CDKN2AIP: variants seen among roughly 807,000 people sequenced by gnomAD.
CDKN2AIP encodes the protein CDKN2A interacting protein, also known as CDKN2A-interacting protein.
A neutral mutation model predicts 44.1 loss-of-function variants in CDKN2AIP; 12 were observed. The ratio of observed to expected loss-of-function variants is 0.27; its 90% CI spans 0.17 to 0.44. The LOEUF is 0.44. Ranked by LOEUF, CDKN2AIP falls within the 20% of genes least tolerant of loss-of-function variation. The pLI is 1.00. For missense variants in CDKN2AIP, 705 were observed against 681.6 expected (o/e 1.03, Z -0.38); for synonymous variants, 291 against 272.1 (o/e 1.07, Z -0.68).
chr4:183,445,876 C>T, intron 2 of CDKN2AIP: 1 of 634,524 alleles, frequency 1.6e-6, no homozygotes, highest in Non-Finnish European at 2.7e-6. Flanking sequence ...TTGAAGTGTC[C>T]ACTGTTGTCT....
In CDKN2AIP at chr4:183,445,200, G is replaced by A. The variant is rs559667017; in HGVS notation, c.272+131G>A. The A allele has an allele frequency of 7.6e-6, 9 of 1,179,140 alleles. No homozygotes were observed. The South Asian group carries it at 1.4e-4, about 18-fold the overall frequency. 73.0% of individuals were successfully genotyped at this position (1,179,140 alleles called of 1,614,324 possible). A position where few individuals can be genotyped will look rare whatever the true frequency, so the allele number is the denominator to read the frequency against. On this transcript the variant is annotated intron_variant, in intron 1 of 2. Transcript: ENST00000504169. The stretch of plus-strand genomic sequence containing the variant: ...GTGAAGCGCGGGAATCCGCCGGCCC[G>A]GCTGCCCTCTAAGGGGGAGAAGGGC...
rs1240289634 is a variant in CDKN2AIP, at chr4:183,446,937, G to A, written c.1253G>A (p.Ser418Asn). The A allele has an allele frequency of 6.2e-7, 1 of 1,614,224 alleles. No individual in the cohort carries two copies. Among genetic ancestry groups the A allele is most frequent in the East Asian group, 2.2e-5 (1 of 44,884 alleles). Residue 418 changes from serine (S) to asparagine (N), a missense_variant, in exon 3 of 3, where the codon AGT becomes AAT. This residue lies in a region of CDKN2AIP where 592 missense variants were observed against 518.0 expected (regional missense o/e 1.14). Coordinates refer to ENST00000504169, the MANE Select transcript of CDKN2AIP (RefSeq NM_017632.4). Reference sequence around the variant, plus strand: ...CCTTCTAAAAGTACTTCACAGTCAAGTGAGAGTTCTGTCAAATTCTCTTGC... The same window carrying A: ...CCTTCTAAAAGTACTTCACAGTCAAATGAGAGTTCTGTCAAATTCTCTTGC... ...QLPSKSTSQS[S>N]ESSVKFSCKL...
At chr4:183,445,801 A>G in intron 2 of CDKN2AIP, 136 bp downstream of exon 2, 1 of 740,388 alleles carries the variant, frequency 1.4e-6, no homozygotes, top group Non-Finnish European at 2.2e-6. Flanking sequence ...GGAATGTTAA[A>G]CCTAAAGTAT....
rs1006820763 is a variant in CDKN2AIP at position 183,448,351 on chromosome 4, A to C, written c.*924A>C. The stretch of plus-strand genomic sequence containing the variant: ...ATCCCCTGAGCCAGAATAGATTAAA[A>C]GCGATTCCCTTCAATTTTCAAATCT... On this transcript the variant is annotated 3_prime_UTR_variant, in exon 3 of 3. Coordinates refer to ENST00000504169, the MANE Select transcript of CDKN2AIP (RefSeq NM_017632.4). Among the ~76,000 whole-genome samples the C allele has an allele frequency of 2.0e-5, 3 of 152,134 alleles. No homozygotes were observed. The highest frequency in any genetic ancestry group is 7.2e-5 in the African/African-American group (3 of 41,450).
Position 183,447,967 on chromosome 4 carries a change from G to A in CDKN2AIP, c.*540G>A, listed in dbSNP as rs1211669756. ...GTTGTAAGCATTTTTTAGATATAAA[G>A]CAGTATAAAGTACTTGTTATTTTAC... On this transcript the variant is annotated 3_prime_UTR_variant, in exon 3 of 3. Coordinates refer to ENST00000504169, the MANE Select transcript of CDKN2AIP (RefSeq NM_017632.4). 2 of 152,170 alleles carry A rather than the reference G, an allele frequency of 1.3e-5. No individual in the cohort carries two copies. The highest frequency in any genetic ancestry group is 2.9e-5 in the Non-Finnish European group (2 of 68,006). 9.4% of individuals were successfully genotyped at this position (152,170 alleles called of 1,614,324 possible).
intron 2 of CDKN2AIP, 164 bp downstream of exon 2, chr4:183,445,829 C>T: frequency 3.0e-6 from 2 of 659,728 alleles, no homozygotes; most frequent in Non-Finnish European, 5.2e-6. Context: ...TGTCTTTAGG[C>T]TTTGAATTTG....
intron 2 of CDKN2AIP, 45 bp downstream of exon 2, chr4:183,445,710 A>G: frequency 6.7e-7 from 1 of 1,497,190 alleles, no homozygotes; most frequent in Non-Finnish European, 9.2e-7. Flanking sequence ...TTTAGAGCAT[A>G]AGTTTGATAT....
chr4:183,448,132 T>C lies in CDKN2AIP; in HGVS notation c.*705T>C, dbSNP rs2111228660. On this transcript the variant is annotated 3_prime_UTR_variant, in exon 3 of 3. Coordinates refer to ENST00000504169, the MANE Select transcript of CDKN2AIP (RefSeq NM_017632.4). ...GGGTTTCTATATTAAGCATATTTTG[T>C]GACTACTATTAACAGATTGATTTGT... 1 of 152,338 alleles carries C rather than the reference T, an allele frequency of 6.6e-6. No individual in the cohort carries two copies. The highest frequency in any genetic ancestry group is 2.4e-5 in the African/African-American group (1 of 41,590). The allele number at this position is 152,338 out of a possible 1,614,324, so 9.4% of individuals were successfully genotyped here. A position where few individuals can be genotyped will look rare whatever the true frequency, so the allele number is the denominator to read the frequency against.
chr4:183,445,696 G>C (rs757706166), intron 2 of CDKN2AIP, 31 bp downstream of exon 2: 7 of 1,565,222 alleles, frequency 4.5e-6, no homozygotes, highest in Non-Finnish European at 5.3e-6. Context: ...AACATACATA[G>C]GAGTTTAGAG....
At position 183,444,697 on chromosome 4, in the gene CDKN2AIP, A is replaced by G. The variant is rs1282623071; in HGVS notation, c.-101A>G. The G allele has an allele frequency of 3.2e-6, 4 of 1,244,350 alleles. No homozygotes were observed. The highest frequency in any genetic ancestry group is 5.5e-5 in the East Asian group (2 of 36,598). 77.1% of individuals were successfully genotyped at this position (1,244,350 alleles called of 1,614,324 possible). A position where few individuals can be genotyped will look rare whatever the true frequency, so the allele number is the denominator to read the frequency against. ...GTCTTTAGGCCTGCGGAGGGGCGTT[A>G]TCTGGAGGGCCGCGGGTGCAGGCCG... On this transcript the variant is annotated 5_prime_UTR_variant, in exon 1 of 3. Transcript: ENST00000504169.
At chr4:183,445,472 T>G in intron 1 of CDKN2AIP, 63 bp from the exon 2 acceptor site, 1 of 782,146 alleles carries the variant, frequency 1.3e-6, no homozygotes, top group Non-Finnish European at 2.0e-6. Flanking sequence ...TGTGGCCTGT[T>G]TTTTGCACAA....
chr4:183,444,965 C>A lies in CDKN2AIP; in HGVS notation c.168C>A (p.Ser56Arg). 6.2e-7 allele frequency: 1 copy of A among 1,611,216 alleles called. No individual in the cohort carries two copies. The highest frequency in any genetic ancestry group is 8.5e-7 in the Non-Finnish European group (1 of 1,178,642). Residue 56 changes from serine to arginine, a missense_variant, in exon 1 of 3, where the codon AGC (serine) becomes AGA (arginine). Physicochemically the swap from Ser to Arg is moderately radical, Grantham distance 110 (BLOSUM62 -1). Around this residue, in one of 2 missense-constraint regions of CDKN2AIP, gnomAD observed 592 missense variants for 518.0 expected, o/e 1.14. Coordinates refer to ENST00000504169, the MANE Select transcript of CDKN2AIP (RefSeq NM_017632.4). ...CCGCTGGCGGCGCTGCCTCCGCTAG[C>A]ACGGATGAAGCTGCCGACGCCGAGA... ...LAPAGGAASA[S>R]TDEAADAESG...
In CDKN2AIP at chr4:183,445,080, C is replaced by T; in HGVS notation, c.272+11C>T. The T allele has an allele frequency of 6.4e-7, 1 of 1,574,542 alleles. No individual in the cohort carries two copies. ...CTTCCTCGGGTGCCGGTGAGTGAGGCAGCGTCCCTAACCAGCACGCCTCGT... is the reference window on the plus strand; with the variant it reads ...CTTCCTCGGGTGCCGGTGAGTGAGGTAGCGTCCCTAACCAGCACGCCTCGT... On this transcript the variant is annotated intron_variant, in intron 1 of 2. Coordinates refer to ENST00000504169, the MANE Select transcript of CDKN2AIP (RefSeq NM_017632.4).
Position 183,444,715 on chromosome 4 carries a change from G to A in CDKN2AIP, c.-83G>A. 2.9e-6 allele frequency: 4 copies of A among 1,366,278 alleles called. No individual in the cohort carries two copies. Among genetic ancestry groups the A allele is most frequent in the Non-Finnish European group, 3.9e-6 (4 of 1,032,088 alleles). 84.6% of individuals were successfully genotyped at this position (1,366,278 alleles called of 1,614,324 possible). ...GGGCGTTATCTGGAGGGCCGCGGGT[G>A]CAGGCCGCAGTGACAGGGCCGCTCG... On this transcript the variant is annotated 5_prime_UTR_variant, in exon 1 of 3. Transcript: ENST00000504169.
At chr4:183,445,234 G>C (rs1733642379) in intron 1 of CDKN2AIP, 165 bp downstream of exon 1, 1 of 813,698 alleles carries the variant, frequency 1.2e-6, no homozygotes, top group Non-Finnish European at 1.9e-6. Context: ...GCGTCCCTGC[G>C]AGGAGCCGAC....
In CDKN2AIP at chr4:183,448,634, G is replaced by A. The variant is rs745520575; in HGVS notation, c.*1207G>A. 3.3e-5 allele frequency among the ~76,000 whole-genome samples: 5 copies of A among 152,198 alleles called. No individual in the cohort carries two copies. In the East Asian group the frequency reaches 9.6e-4, roughly 29 times the overall value. The stretch of plus-strand genomic sequence containing the variant: ...TCTATTTTTAGATACTGCCCATTGA[G>A]CAATAATGGTGATAATATAGAGAGA... On this transcript the variant is annotated 3_prime_UTR_variant, in exon 3 of 3. Coordinates refer to ENST00000504169, the MANE Select transcript of CDKN2AIP (RefSeq NM_017632.4).
At chr4:183,445,202 C>A (rs1000801073) in intron 1 of CDKN2AIP, 133 bp downstream of exon 1, 39 of 1,173,246 alleles carry the variant, frequency 3.3e-5, no homozygotes, top group Non-Finnish European at 4.5e-5. Context: ...GCCGGCCCGG[C>A]TGCCCTCTAA....
rs772372032 is a variant in CDKN2AIP, at chr4:183,446,595, C to T, written c.911C>T (p.Pro304Leu). ...GSSGSSEVEL[P>L]LLSSKPSSET... ...TCAGGAAGCTCAGAGGTAGAATTGC[C>T]ACTATTGTCTTCCAAACCTAGTTCA... is the stretch of plus-strand genomic sequence containing the variant. The change falls in exon 3 of 3, where the codon CCA becomes CTA. Residue 304 changes from proline (P) to leucine (L), a missense_variant. This residue lies in a region of CDKN2AIP where 592 missense variants were observed against 518.0 expected (regional missense o/e 1.14). Coordinates refer to ENST00000504169, the MANE Select transcript of CDKN2AIP (RefSeq NM_017632.4). 1.2e-6 allele frequency: 2 copies of T among 1,614,084 alleles called. No individual in the cohort carries two copies. The highest frequency in any genetic ancestry group is 1.1e-5 in the South Asian group (1 of 91,082).
Position 183,446,186 on chromosome 4 carries a change from G to A in CDKN2AIP, c.502G>A (p.Ala168Thr). ...HAKTSAKTER[A>T]SAQQENSSTC... is the part of the protein sequence containing the mutation. The stretch of plus-strand genomic sequence containing the variant: ...AAAAACCTCTGCCAAGACAGAACGT[G>A]CATCAGCTCAGCAGGAAAACAGTTC... The change falls in exon 3 of 3, where the codon GCA becomes ACA. Residue 168 changes from alanine (A) to threonine (T), a missense_variant. Coordinates refer to ENST00000504169, the MANE Select transcript of CDKN2AIP (RefSeq NM_017632.4). 1.9e-6 allele frequency: 3 copies of A among 1,614,172 alleles called. No homozygotes were observed. The highest frequency in any genetic ancestry group is 2.5e-6 in the Non-Finnish European group (3 of 1,179,990).
Sources: gnomAD v4.1 joint callset for allele counts (sites outside exome capture counted in the v4.1 genomes callset) on GRCh38, gnomAD v4.1.1 for gene constraint, gnomAD v4.1.1 regional missense constraint, MANE v1.5 for transcripts, NCBI Gene and HGNC (gene_info 2026-07-23, HGNC 2026-07-21) for gene names.